The following RAB3C variants were observed in gnomAD, a reference collection of about 807,000 sequenced individuals.
The protein encoded by RAB3C is RAB3C, member RAS oncogene family, also known as ras-related protein Rab-3C.
Under a neutral mutation model 26.4 loss-of-function variants are expected in RAB3C, and 17 were observed. That is an observed-to-expected ratio of 0.64 (90% CI 0.44 to 0.97). The LOEUF (loss-of-function observed/expected upper bound fraction) is 0.97. Among genes scored for constraint, RAB3C ranks in the 50% least tolerant of loss-of-function variants. The pLI is 0.00. For synonymous variants in RAB3C, 91 were observed against 95.9 expected (o/e 0.95, Z 0.30); for missense variants, 242 against 281.9 (o/e 0.86, Z 1.01).
chr5:58,825,147 T>G lies in RAB3C; in HGVS notation c.481T>G (p.Leu161Val). 1.2e-6 allele frequency: 2 copies of G among 1,610,866 alleles called. No homozygotes were observed. Among genetic ancestry groups the G allele is most frequent in the Non-Finnish European group, 8.5e-7 (1 of 1,178,476 alleles). ...CATCTCAACTGAGCGAGGTCAACAT[T>G]TAGGAGAACAGCTTGGTAAGAAACA... ...RVISTERGQH[L>V]GEQLGFEFFE... The change falls in exon 4 of 5, where the codon TTA (leucine) becomes GTA (valine). Residue 161 changes from leucine (L) to valine (V), a missense_variant. Physicochemically the swap from Leu to Val is conservative, Grantham distance 32. Transcript: ENST00000282878.
intron 3 of RAB3C, among the ~76,000 whole-genome samples, chr5:58,751,471 C>T (rs1741522228): frequency 1.3e-5 from 2 of 152,130 alleles, no homozygotes; most frequent in Non-Finnish European, 2.9e-5. Context: ...AGTCAGAAAG[C>T]AGATTATAGA....
chr5:58,707,315 A>G (rs1031584472), intron 2 of RAB3C, among the ~76,000 whole-genome samples: 4 of 152,250 alleles, frequency 2.6e-5, no homozygotes, highest in African/African-American at 9.6e-5. Flanking sequence ...CAAATCATGA[A>G]CATGAAATAT....
chr5:58,639,860 T>TATA (rs1402821974), intron 2 of RAB3C, among the ~76,000 whole-genome samples: 3 of 152,252 alleles, frequency 2.0e-5, no homozygotes, highest in Non-Finnish European at 4.4e-5. Context: ...GCTTGGATGA[T>TATA]ATAAAATCAT....
chr5:58,851,415 G>C lies in RAB3C; in HGVS notation c.*64G>C. The C allele has an allele frequency of 6.0e-6, 8 of 1,328,252 alleles. No individual in the cohort carries two copies. In the South Asian group the frequency reaches 1.2e-4, roughly 19 times the overall value. The allele number at this position is 1,328,252 out of a possible 1,614,324, so 82.3% of individuals were successfully genotyped here. On this transcript the variant is annotated 3_prime_UTR_variant, in exon 5 of 5. Transcript: ENST00000282878. ...TGCCAACAAACAGCATTTGTAAATGGTCTATTAGCCTTCATTTATACTGCC... is the reference window on the plus strand; with the variant it reads ...TGCCAACAAACAGCATTTGTAAATGCTCTATTAGCCTTCATTTATACTGCC...
chr5:58,761,406 A>AT (rs1741795295), intron 3 of RAB3C, among the ~76,000 whole-genome samples: 1 of 152,182 alleles, frequency 6.6e-6, no homozygotes, highest in African/African-American at 2.4e-5. Flanking sequence ...TCCCACAAAT[A>AT]TTTTTTAAAT....
At chr5:58,627,639 C>G (rs987147648) in intron 2 of RAB3C, among the ~76,000 whole-genome samples, 1 of 152,044 alleles carries the variant, frequency 6.6e-6, no homozygotes, top group Non-Finnish European at 1.5e-5. Flanking sequence ...CAGTAGTAGG[C>G]ATATTCTTCT....
intron 3 of RAB3C, 125 bp from the exon 4 acceptor site, chr5:58,824,913 A>C (rs1159567489): frequency 9.3e-6 from 6 of 645,754 alleles, no homozygotes; most frequent in Non-Finnish European, 1.0e-5. Flanking sequence ...AATGTCAGGC[A>C]TTTGGACATC....
intron 1 of RAB3C, among the ~76,000 whole-genome samples, chr5:58,599,082 T>C (rs1579808932): frequency 6.6e-6 from 1 of 152,138 alleles, no homozygotes; most frequent in Admixed American, 6.6e-5. Context: ...TAAATGTTCA[T>C]GAGTAGCAAA....
chr5:58,840,404 ATTCTC>A (rs1179784430), intron 4 of RAB3C, among the ~76,000 whole-genome samples: 2 of 152,030 alleles, frequency 1.3e-5, no homozygotes, highest in African/African-American at 4.8e-5. Flanking sequence ...AATTGCCTAT[ATTCTC>A]TTGTATCTCA....
intron 2 of RAB3C, among the ~76,000 whole-genome samples, chr5:58,720,740 A>C (rs1211059445): frequency 1.3e-5 from 2 of 151,878 alleles, no homozygotes; most frequent in African/African-American, 4.8e-5. Context: ...TTTATCATGT[A>C]TCAGGATTGT....
At chr5:58,682,528 C>T (rs1748367048) in intron 2 of RAB3C, among the ~76,000 whole-genome samples, 1 of 151,422 alleles carries the variant, frequency 6.6e-6, no homozygotes, top group African/African-American at 2.4e-5. Context: ...ATTAAAAATA[C>T]AAAAAATTAG....
chr5:58,728,509 T>C lies in RAB3C; in HGVS notation c.371+2389T>C, dbSNP rs545208299. Reference sequence around the variant, plus strand: ...ATCTTCAGGTTCCACCCTCTACAGGTGATCCATCTTATTGCCATCAGAGCT... The same window carrying C: ...ATCTTCAGGTTCCACCCTCTACAGGCGATCCATCTTATTGCCATCAGAGCT... On this transcript the variant is annotated intron_variant, in intron 3 of 4. Transcript: ENST00000282878. Among the ~76,000 whole-genome samples the C allele has an allele frequency of 1.9e-4, 29 of 152,170 alleles. No homozygotes were observed. The East Asian group carries it at 2.7e-3, about 14-fold the overall frequency.
At chr5:58,808,950 C>T (rs1743007507) in intron 3 of RAB3C, among the ~76,000 whole-genome samples, 1 of 152,256 alleles carries the variant, frequency 6.6e-6, no homozygotes, top group East Asian at 1.9e-4. Flanking sequence ...ATTTCATGTA[C>T]CAAATTTGGT....
chr5:58,757,357 T>C (rs1251895801), intron 3 of RAB3C, among the ~76,000 whole-genome samples: 2 of 151,614 alleles, frequency 1.3e-5, no homozygotes, highest in African/African-American at 2.4e-5. Flanking sequence ...CCACTTTCAA[T>C]AGGGAATACT....
intron 2 of RAB3C, among the ~76,000 whole-genome samples, chr5:58,694,988 G>C (rs1286284425): frequency 1.3e-5 from 2 of 152,156 alleles, no homozygotes; most frequent in African/African-American, 4.8e-5. Context: ...CGGTGTTTTA[G>C]TCATGAAGTC....
intron 2 of RAB3C, among the ~76,000 whole-genome samples, chr5:58,665,325 G>C (rs1336011541): frequency 6.6e-6 from 1 of 152,122 alleles, no homozygotes; most frequent in Non-Finnish European, 1.5e-5. Flanking sequence ...AGTAATACCT[G>C]ATAGCCATTA....
At chr5:58,801,423 C>T (rs942580531) in intron 3 of RAB3C, among the ~76,000 whole-genome samples, 1 of 152,182 alleles carries the variant, frequency 6.6e-6, no homozygotes, top group African/African-American at 2.4e-5. Flanking sequence ...GACATGAGAA[C>T]TGATGGAAGC....
At chr5:58,786,462 G>A (rs1311674070) in intron 3 of RAB3C, among the ~76,000 whole-genome samples, 1 of 152,094 alleles carries the variant, frequency 6.6e-6, no homozygotes, top group African/African-American at 2.4e-5. Flanking sequence ...GGGACGCACA[G>A]TTCCCTCCCA....
In RAB3C at chr5:58,851,579, A is replaced by G; in HGVS notation, c.*228A>G. The G allele has an allele frequency of 2.5e-6, 1 of 394,970 alleles. No individual in the cohort carries two copies. Among genetic ancestry groups the G allele is most frequent in the Non-Finnish European group, 4.5e-6 (1 of 223,700 alleles). The allele number at this position is 394,970 out of a possible 1,614,324, so 24.5% of individuals were successfully genotyped here. On this transcript the variant is annotated 3_prime_UTR_variant, in exon 5 of 5. Coordinates refer to ENST00000282878, the MANE Select transcript of RAB3C (RefSeq NM_138453.4). ...CCATCTATAAACATCTGGTACCTGC[A>G]TGTGACTTGTTATTTATTTGTCTGC...
Sources: allele counts gnomAD v4.1 joint callset (sites outside exome capture counted in the v4.1 genomes callset), GRCh38; gene constraint gnomAD v4.1.1; transcripts MANE v1.5; gene names NCBI Gene and HGNC (gene_info 2026-07-23, HGNC 2026-07-21).